EML6: variants seen among roughly 807,000 people sequenced by gnomAD.
EML6 encodes the protein EMAP like 6, also known as echinoderm microtubule-associated protein-like 6.
In EML6, 154 loss-of-function variants were observed where a neutral mutation model predicts 240.1. That is an observed-to-expected ratio of 0.64 (90% CI 0.56 to 0.73). The LOEUF is 0.73. EML6 is among the 30% of genes least tolerant of loss of function. The pLI, the probability that EML6 is intolerant of heterozygous loss-of-function variation, is 0.00. For missense variants in EML6, 2,964 were observed against 2,474.6 expected, an observed-to-expected ratio of 1.20 and a Z score of -4.20; for synonymous variants, 1,148 against 899.0, an observed-to-expected ratio of 1.28 and a Z score of -4.95.
intron 32 of EML6, among the ~76,000 whole-genome samples, chr2:54,957,298 C>T (rs746789568): frequency 2.8e-5 from 4 of 142,592 alleles, no homozygotes; most frequent in Non-Finnish European, 4.6e-5. Context: ...TAAACCTAAA[C>T]ACCACAAACT....
At chr2:54,908,310 A>G (rs1673456004) in intron 24 of EML6, among the ~76,000 whole-genome samples, 1 of 151,248 alleles carries the variant, frequency 6.6e-6, no homozygotes, top group Admixed American at 6.6e-5. Context: ...CCTGTGCTCA[A>G]GAGATCCTCT....
intron 2 of EML6, among the ~76,000 whole-genome samples, chr2:54,801,302 G>A (rs546876836): frequency 2.0e-5 from 3 of 148,992 alleles, no homozygotes; most frequent in African/African-American, 7.4e-5. Flanking sequence ...GCTACAGAGC[G>A]AGACTCTGTC....
intron 16 of EML6, 51 bp downstream of exon 16, chr2:54,871,656 C>G (rs369187101): frequency 1.1e-4 from 143 of 1,295,958 alleles, no homozygotes; most frequent in Middle Eastern, 3.6e-4. Context: ...GAGAGAGAGA[C>G]ACAGAGAGAG....
At chr2:54,913,663 C>T (rs540441439) in intron 25 of EML6, among the ~76,000 whole-genome samples, 2 of 152,244 alleles carry the variant, frequency 1.3e-5, no homozygotes, top group African/African-American at 4.8e-5. Flanking sequence ...TTAAACTCAT[C>T]AAGTCTCACT....
intron 30 of EML6, among the ~76,000 whole-genome samples, chr2:54,951,565 C>A (rs762122399): frequency 6.7e-6 from 1 of 149,074 alleles, no homozygotes; most frequent in Non-Finnish European, 1.5e-5. Flanking sequence ...AAAAAAAATA[C>A]TCAAACCACA....
chr2:54,969,170 C>T (rs1676881798), intron 41 of EML6, among the ~76,000 whole-genome samples: 1 of 152,158 alleles, frequency 6.6e-6, no homozygotes, highest in Admixed American at 6.5e-5. Context: ...CCCAGTTGAT[C>T]ACCAGTGTTG....
chr2:54,732,128 T>A (rs1683203579), intron 2 of EML6, among the ~76,000 whole-genome samples: 1 of 152,244 alleles, frequency 6.6e-6, no homozygotes, highest in South Asian at 2.1e-4. Flanking sequence ...TCTATTCAAA[T>A]CTATTACCCA....
chr2:54,815,741 T>C (rs1029218474), intron 3 of EML6, among the ~76,000 whole-genome samples: 5 of 152,214 alleles, frequency 3.3e-5, no homozygotes, highest in East Asian at 1.9e-4. Context: ...AAGCCATCTT[T>C]AGTGAAGAAA....
At chr2:54,847,762 C>A in intron 9 of EML6, 139 bp downstream of exon 9, 1 of 936,694 alleles carries the variant, frequency 1.1e-6, no homozygotes, top group Non-Finnish European at 1.5e-6. Flanking sequence ...TCTACGATCC[C>A]CTATCTGTAA....
chr2:54,859,742 A>C, intron 12 of EML6, 41 bp downstream of exon 12: 1 of 1,485,634 alleles, frequency 6.7e-7, no homozygotes, highest in Non-Finnish European at 9.0e-7. Flanking sequence ...TTTATTTTTC[A>C]ATAGGCATTT....
chr2:54,968,024 T>C, intron 39 of EML6, 104 bp from the exon 40 acceptor site: 1 of 1,163,388 alleles, frequency 8.6e-7, no homozygotes, highest in Non-Finnish European at 1.2e-6. Flanking sequence ...GGACCCCTGA[T>C]GTTAAACATC....
At position 54,768,144 on chromosome 2, in the gene EML6, T is replaced by C. The variant is rs143812241; in HGVS notation, c.197+42886T>C. On this transcript the variant is annotated intron_variant, in intron 2 of 41. Transcript: ENST00000356458. ...TGATATCCTGTTTCAGTTCTCATTA[T>C]AGTTCTAAACAGATCAGAAAAACTT... is the stretch of plus-strand genomic sequence containing the variant. 2.8e-4 allele frequency among the ~76,000 whole-genome samples: 42 copies of C among 152,332 alleles called. No homozygotes were observed. The East Asian group carries it at 8.1e-3, about 29-fold the overall frequency.
chr2:54,891,508 CTTTA>C (rs1466981442), intron 18 of EML6, among the ~76,000 whole-genome samples: 1 of 152,146 alleles, frequency 6.6e-6, no homozygotes, highest in African/African-American at 2.4e-5. Context: ...TGGATGGTTC[CTTTA>C]TTTATCTATT....
chr2:54,803,918 C>T (rs976730706), intron 2 of EML6, among the ~76,000 whole-genome samples: 4 of 152,194 alleles, frequency 2.6e-5, no homozygotes, highest in Admixed American at 6.5e-5. Flanking sequence ...ACAGAACATT[C>T]TGAGGAAATG....
intron 26 of EML6, among the ~76,000 whole-genome samples, chr2:54,919,873 G>C (rs1674129237): frequency 1.3e-5 from 2 of 152,174 alleles, no homozygotes; most frequent in Admixed American, 1.3e-4. Context: ...CAGTGCAAAA[G>C]CTCTGGAATC....
intron 7 of EML6, among the ~76,000 whole-genome samples, chr2:54,830,204 G>T (rs1572965461): frequency 1.3e-5 from 2 of 152,250 alleles, no homozygotes; most frequent in African/African-American, 4.8e-5. Context: ...GGCAGACAAA[G>T]AATTTACAGC....
intron 2 of EML6, among the ~76,000 whole-genome samples, chr2:54,743,660 GTTGTAGTCTCTAAAC>G (rs1446339224): frequency 1.3e-5 from 2 of 152,076 alleles, no homozygotes; most frequent in African/African-American, 2.4e-5. Flanking sequence ...TTAAGCTAGA[GTTGTAGTCTCTAAAC>G]TTTTTTTGAT....
intron 2 of EML6, among the ~76,000 whole-genome samples, chr2:54,789,364 A>G (rs1669273913): frequency 6.6e-6 from 1 of 151,238 alleles, no homozygotes; most frequent in South Asian, 2.1e-4. Context: ...ATACAAAAAA[A>G]TTAGCCGGGC....
chr2:54,847,968 G>A (rs1282178973), intron 9 of EML6, among the ~76,000 whole-genome samples: 3 of 152,324 alleles, frequency 2.0e-5, no homozygotes, highest in South Asian at 2.1e-4. Context: ...GATGTTACAT[G>A]ATACATTGTG....
Sources: allele counts gnomAD v4.1 joint callset (sites outside exome capture counted in the v4.1 genomes callset), GRCh38; gene constraint gnomAD v4.1.1; transcripts MANE v1.5; gene names NCBI Gene and HGNC (gene_info 2026-07-23, HGNC 2026-07-21).